DNAAF4: variants seen among roughly 807,000 people sequenced by gnomAD.
DNAAF4 encodes the protein dynein axonemal assembly factor 4.
In DNAAF4, 43 loss-of-function variants were observed where a neutral mutation model predicts 51.8. That is an observed-to-expected ratio of 0.83 (90% CI 0.65 to 1.07). DNAAF4 has a LOEUF of 1.07. DNAAF4 is among the 50% of genes least tolerant of loss of function. DNAAF4 has a pLI of 0.00. For synonymous variants in DNAAF4, 194 were observed against 165.6 expected (o/e 1.17, Z -1.32); for missense variants, 581 against 493.0 (o/e 1.18, Z -1.69).
At chr15:55,444,459 G>C (rs1327566459) in intron 6 of DNAAF4, among the ~76,000 whole-genome samples, 1 of 152,190 alleles carries the variant, frequency 6.6e-6, no homozygotes, top group Non-Finnish European at 1.5e-5. Context: ...TTGTAGTGTA[G>C]TTTGAAGTCA....
intron 6 of DNAAF4, among the ~76,000 whole-genome samples, chr15:55,446,307 G>A (rs1380773204): frequency 2.6e-5 from 3 of 117,296 alleles, no homozygotes. Flanking sequence ...GGGGGGGGGG[G>A]GCAGCTGGGC....
At chr15:55,456,872 G>C (rs73408875) in intron 5 of DNAAF4, among the ~76,000 whole-genome samples, 2,776 of 152,316 alleles carry the variant, frequency 0.018, 81 homozygotes, top group African/African-American at 0.06. Flanking sequence ...TCCATCCCCA[G>C]CTGGAGTCCA....
intron 6 of DNAAF4, among the ~76,000 whole-genome samples, chr15:55,441,959 T>C (rs1407146517): frequency 2.6e-5 from 4 of 152,240 alleles, no homozygotes; most frequent in East Asian, 3.8e-4. Context: ...TAACTTATAA[T>C]GTATATGCAT....
In DNAAF4 at chr15:55,420,556, A is replaced by G. The variant is rs370664870; in HGVS notation, c.1048-2423T>C. Among the ~76,000 whole-genome samples, 6 of 152,334 alleles carry G rather than the reference A, an allele frequency of 3.9e-5. No individual in the cohort carries two copies. The East Asian group carries it at 1.2e-3, about 29-fold the overall frequency. The stretch of plus-strand genomic sequence containing the variant: ...CATAAAATTTGCTTGATGTAAGGAA[A>G]CAGCTCAAACTCTGCAGACTCATCA... On this transcript the variant is annotated intron_variant, in intron 7 of 7. Coordinates refer to the DNAAF4 transcript ENST00000448430.
At chr15:55,470,989 G>A (rs138651050) in intron 4 of DNAAF4, among the ~76,000 whole-genome samples, 13 of 151,378 alleles carry the variant, frequency 8.6e-5, no homozygotes, top group African/African-American at 2.7e-4. Flanking sequence ...AAGTAGTTGG[G>A]ACCACAGGCC....
Position 55,498,261 on chromosome 15 carries a change from G to C in DNAAF4, c.69C>G (p.Leu23=). The C allele has an allele frequency of 6.2e-7, 1 of 1,613,880 alleles. No individual in the cohort carries two copies. Among genetic ancestry groups the C allele is most frequent in the Non-Finnish European group, 8.5e-7 (1 of 1,179,898 alleles). The change falls in exon 2 of 10, where the codon CTC becomes CTG. Residue 23 remains leucine (L), a synonymous_variant. Transcript: ENST00000321149. ...CCGTGTCTCTGACGCACACGCCTTTGAGGGGCAGAGACAGAAAGACCGCAG... is the reference window on the plus strand; with the variant it reads ...CCGTGTCTCTGACGCACACGCCTTTCAGGGGCAGAGACAGAAAGACCGCAG... ...TKTAVFLSLP[L]KGVCVRDTDV... is the part of the protein sequence containing the mutation.
At chr15:55,475,651 G>T (rs555541758) in intron 4 of DNAAF4, among the ~76,000 whole-genome samples, 1 of 152,280 alleles carries the variant, frequency 6.6e-6, no homozygotes, top group South Asian at 2.1e-4. Flanking sequence ...TTGTGTTGGT[G>T]CTCAAAAGTT....
chr15:55,426,941 C>T (rs899526070), downstream of DNAAF4, among the ~76,000 whole-genome samples: 2 of 152,174 alleles, frequency 1.3e-5, no homozygotes, highest in Admixed American at 6.5e-5. Flanking sequence ...TTTTGTAACC[C>T]CCAAAGGGGT....
intron 5 of DNAAF4, among the ~76,000 whole-genome samples, chr15:55,462,592 C>G (rs1000139238): frequency 6.6e-6 from 1 of 151,362 alleles, no homozygotes; most frequent in Non-Finnish European, 1.5e-5. Context: ...TTCTACAACG[C>G]CAGTACTACC....
At chr15:55,487,901 A>G (rs1336575871) in intron 4 of DNAAF4, among the ~76,000 whole-genome samples, 5 of 152,096 alleles carry the variant, frequency 3.3e-5, no homozygotes, top group East Asian at 1.9e-4. Flanking sequence ...TATTTTTCCA[A>G]TCTTTAAATC....
intron 7 of DNAAF4, among the ~76,000 whole-genome samples, chr15:55,422,332 G>C (rs1220779632): frequency 6.6e-6 from 1 of 152,092 alleles, no homozygotes; most frequent in African/African-American, 2.4e-5. Flanking sequence ...TTGATGTAAG[G>C]CAACTGAATA....
chr15:55,439,666 T>G (rs949500437), intron 6 of DNAAF4, 85 bp from the exon 7 acceptor site: 1 of 1,185,826 alleles, frequency 8.4e-7, no homozygotes, highest in East Asian at 2.5e-5. Context: ...CTTCCTCCAG[T>G]GGATTGAAAT....
chr15:55,445,606 C>G (rs1009109615), intron 6 of DNAAF4, among the ~76,000 whole-genome samples: 8 of 152,156 alleles, frequency 5.3e-5, no homozygotes, highest in African/African-American at 1.4e-4. Context: ...CAGAGGCGCT[C>G]CTCGCCTCCC....
intron 7 of DNAAF4, among the ~76,000 whole-genome samples, chr15:55,423,407 T>C (rs1414124526): frequency 6.6e-6 from 1 of 151,976 alleles, no homozygotes; most frequent in Non-Finnish European, 1.5e-5. Context: ...GATGGGGGTC[T>C]CGCTATGTTG....
chr15:55,498,133 C>A, intron 2 of DNAAF4, 74 bp downstream of exon 2: 1 of 1,603,406 alleles, frequency 6.2e-7, no homozygotes, highest in East Asian at 2.2e-5. Context: ...GCCTGTTGCT[C>A]GTGCCCAGCT....
chr15:55,420,087 A>G (rs2057375819), intron 7 of DNAAF4, among the ~76,000 whole-genome samples: 1 of 152,222 alleles, frequency 6.6e-6, no homozygotes. Context: ...TAAAGTAGGC[A>G]GTATGCACAG....
At chr15:55,420,317 C>G (rs1375023593) in intron 7 of DNAAF4, among the ~76,000 whole-genome samples, 1 of 150,614 alleles carries the variant, frequency 6.6e-6, no homozygotes, top group Non-Finnish European at 1.5e-5. Context: ...ACAGGCTACA[C>G]AATTCTTTAA....
chr15:55,420,414 GAA>G lies in DNAAF4; in HGVS notation c.1048-2283_1048-2282del, dbSNP rs10710792. On this transcript the variant is annotated intron_variant, in intron 7 of 7. Transcript: ENST00000448430. ...ATAATTGGGTCTGAGTATCTTTCTG[GAA>G]AAAAAAAAAATCATTGTTATTTTCC... 8.3e-3 allele frequency among the ~76,000 whole-genome samples: 1,214 copies of G among 146,198 alleles called. 18 individuals are homozygous for G. Among genetic ancestry groups the G allele is most frequent in the African/African-American group, 0.029 (1,163 of 40,556 alleles).
rs867738106 is a variant in DNAAF4 at position 55,446,299 on chromosome 15, G to T, written c.783+3923C>A. On this transcript the variant is annotated intron_variant, in intron 6 of 9. Transcript: ENST00000321149. ...GAGGCGCTCCTCACATCCCAGACGG[G>T]GGGGGGGGGCAGCTGGGCAGAGGCA... 4.1e-5 allele frequency among the ~76,000 whole-genome samples: 4 copies of T among 97,744 alleles called. 1 individual carries two copies. The allele number at this position is 97,744 out of a possible 152,430, so 64.1% of individuals were successfully genotyped here.
Sources: allele counts gnomAD v4.1 joint callset (sites outside exome capture counted in the v4.1 genomes callset), GRCh38; gene constraint gnomAD v4.1.1; transcripts MANE v1.5; gene names NCBI Gene and HGNC (gene_info 2026-07-23, HGNC 2026-07-21).